GGTLC1: variants seen among roughly 807,000 people sequenced by gnomAD.
The protein encoded by GGTLC1 is glutathione hydrolase light chain 1.
In GGTLC1, 14 loss-of-function variants were observed where a neutral mutation model predicts 19.5. That is an observed-to-expected ratio of 0.72 (90% CI 0.47 to 1.12). The LOEUF is 1.12. Ranked by LOEUF, GGTLC1 falls within the 50% of genes most tolerant of loss-of-function variation. GGTLC1 has a pLI of 0.00. For synonymous variants in GGTLC1, 110 were observed against 124.2 expected (o/e 0.89, Z 0.76); for missense variants, 304 against 309.2 (o/e 0.98, Z 0.13).
chr20:23,986,813 T>C (rs1987955022), intron 1 of GGTLC1, 168 bp from the exon 2 acceptor site: 1 of 1,445,008 alleles, frequency 6.9e-7, no homozygotes, highest in Admixed American at 2.5e-5. Flanking sequence ...CTCTGTCGCA[T>C]TCCAGCAACT....
intron 1 of GGTLC1, among the ~76,000 whole-genome samples, chr20:23,987,728 G>A (rs1600497805): frequency 5.9e-5 from 9 of 151,614 alleles, no homozygotes; most frequent in Admixed American, 5.9e-4. Context: ...CGAAGAAAAT[G>A]CCTCAAGGGA....
rs1045826058 is a variant in GGTLC1 at position 23,985,185 on chromosome 20, A to G, written c.*31T>C. On this transcript the variant is annotated 3_prime_UTR_variant, in exon 6 of 6. Coordinates refer to ENST00000335694, the MANE Select transcript of GGTLC1 (RefSeq NM_178311.3). ...GTCCTGGTGAGTATTTTGTTCCTGG[A>G]TTGCTTGTCAGCCTTGTCCGCCTGG... 4 of 1,611,840 alleles carry G rather than the reference A, an allele frequency of 2.5e-6. No individual in the cohort carries two copies. Among genetic ancestry groups the G allele is most frequent in the African/African-American group, 1.3e-5 (1 of 74,926 alleles).
intron 1 of GGTLC1, chr20:23,986,898 A>C: frequency 8.0e-7 from 1 of 1,256,544 alleles, no homozygotes; most frequent in Non-Finnish European, 1.1e-6. Context: ...CATGCAAAAA[A>C]TATTTCTAGA....
At chr20:23,987,526 G>T (rs1286009167) in intron 1 of GGTLC1, among the ~76,000 whole-genome samples, 3 of 152,038 alleles carry the variant, frequency 2.0e-5, no homozygotes, top group African/African-American at 7.2e-5. Flanking sequence ...GACCTGAAGA[G>T]CATGGGTGCA....
At chr20:23,985,493 C>T in intron 5 of GGTLC1, 131 bp from the exon 6 acceptor site, 5 of 1,596,994 alleles carry the variant, frequency 3.1e-6, no homozygotes, top group Non-Finnish European at 3.4e-6. Flanking sequence ...AGGTTGGGGC[C>T]TGCTGGGTCT....
At position 23,985,674 on chromosome 20, in the gene GGTLC1, A is replaced by G. The variant is rs778733425; in HGVS notation, c.524T>C (p.Ile175Thr). ...CTCCAACCCCCAGCCCACCTGGTCA[A>G]TGTTTCTCTCCACTGTCGTGACGTT... is the stretch of plus-strand genomic sequence containing the variant. ...LPNVTTVERN[I>T]DQEVTAALET... Residue 175 changes from isoleucine to threonine, a missense_variant, in exon 5 of 6, where the codon ATT becomes ACT. Transcript: ENST00000335694. The G allele has an allele frequency of 2.5e-6, 4 of 1,611,976 alleles. No individual in the cohort carries two copies. Among genetic ancestry groups the G allele is most frequent in the South Asian group, 1.1e-5 (1 of 90,988 alleles).
At chr20:23,987,529 T>C (rs1221840948) in intron 1 of GGTLC1, among the ~76,000 whole-genome samples, 1 of 151,770 alleles carries the variant, frequency 6.6e-6, no homozygotes, top group Non-Finnish European at 1.5e-5. Flanking sequence ...CTGAAGAGCA[T>C]GGGTGCACGT....
At position 23,986,311 on chromosome 20, in the gene GGTLC1, C is replaced by T. The variant is rs1269420136; in HGVS notation, c.177-108G>A. 22 of 1,605,428 alleles carry T rather than the reference C, an allele frequency of 1.4e-5. No homozygotes were observed. The East Asian group carries it at 4.1e-4, about 30-fold the overall frequency. On this transcript the variant is annotated intron_variant, in intron 2 of 5. Coordinates refer to ENST00000335694, the MANE Select transcript of GGTLC1 (RefSeq NM_178311.3). Reference sequence around the variant, plus strand: ...TCACTGAGAGGCTCAGGATAAGCTACCAAGGTTGGGCCTCAGTTTCCCACC... The same window carrying T: ...TCACTGAGAGGCTCAGGATAAGCTATCAAGGTTGGGCCTCAGTTTCCCACC...
In GGTLC1 at chr20:23,986,429, C is replaced by G; in HGVS notation, c.176+7G>C. 1 of 1,611,434 alleles carries G rather than the reference C, an allele frequency of 6.2e-7. No individual in the cohort carries two copies. Among genetic ancestry groups the G allele is most frequent in the Non-Finnish European group, 8.5e-7 (1 of 1,179,670 alleles). On this transcript the variant is annotated splice_region_variant and intron_variant, in intron 2 of 5. Coordinates refer to ENST00000335694, the MANE Select transcript of GGTLC1 (RefSeq NM_178311.3). ...CTTTCCCACCCAGGCGGCCCAGCAG[C>G]CCCTACTAGAGGTTGATGGTGCTGG...
chr20:23,987,582 C>T (rs1156465108), intron 1 of GGTLC1, among the ~76,000 whole-genome samples: 8 of 151,626 alleles, frequency 5.3e-5, no homozygotes, highest in Non-Finnish European at 5.9e-5. Context: ...CGGGCAAGGG[C>T]GGGCTGAGAG....
chr20:23,985,561 A>G, intron 5 of GGTLC1, 106 bp downstream of exon 5: 1 of 1,597,888 alleles, frequency 6.3e-7, no homozygotes, highest in South Asian at 1.1e-5. Context: ...CCCAGGCACT[A>G]GAGAGAGGAC....
Position 23,985,201 on chromosome 20 carries a change from G to A in GGTLC1, c.*15C>T. On this transcript the variant is annotated 3_prime_UTR_variant, in exon 6 of 6. Coordinates refer to ENST00000335694, the MANE Select transcript of GGTLC1 (RefSeq NM_178311.3). Reference sequence around the variant, plus strand: ...TGTTCCTGGATTGCTTGTCAGCCTTGTCCGCCTGGAGCAATCAGTAGCCAG... The same window carrying A: ...TGTTCCTGGATTGCTTGTCAGCCTTATCCGCCTGGAGCAATCAGTAGCCAG... The A allele has an allele frequency of 2.5e-6, 4 of 1,612,002 alleles. No individual in the cohort carries two copies. The highest frequency in any genetic ancestry group is 3.4e-6 in the Non-Finnish European group (4 of 1,179,866).
intron 1 of GGTLC1, among the ~76,000 whole-genome samples, chr20:23,988,054 A>T (rs1220638428): frequency 9.5e-6 from 1 of 104,762 alleles, no homozygotes; most frequent in African/African-American, 3.6e-5. Context: ...TCAAAAAAAA[A>T]AAAAAAAAAA....
chr20:23,987,072 T>C (rs1987969681), intron 1 of GGTLC1, among the ~76,000 whole-genome samples: 1 of 152,104 alleles, frequency 6.6e-6, no homozygotes, highest in Non-Finnish European at 1.5e-5. Context: ...TAGGGAGAGC[T>C]TCTCAGAGGA....
chr20:23,985,116 C>T lies in GGTLC1; in HGVS notation c.*100G>A. ...CAGTGGCCTCATTTATTGTGCTGCT[C>T]TGCTGCTCACAGGAGAAGCCTGTCC... On this transcript the variant is annotated 3_prime_UTR_variant, in exon 6 of 6. Transcript: ENST00000335694. 1 of 1,557,346 alleles carries T rather than the reference C, an allele frequency of 6.4e-7. No homozygotes were observed. Among genetic ancestry groups the T allele is most frequent in the Non-Finnish European group, 8.7e-7 (1 of 1,144,332 alleles).
intron 2 of GGTLC1, 50 bp downstream of exon 2, chr20:23,986,386 A>G (rs7260970): frequency 0.091 from 146,171 of 1,603,948 alleles, 11,940 homozygotes; most frequent in African/African-American, 0.42. Context: ...GCAGTCCCTG[A>G]GCCACCCTCC....
At chr20:23,987,753 C>T (rs1365882839) in intron 1 of GGTLC1, among the ~76,000 whole-genome samples, 2 of 151,308 alleles carry the variant, frequency 1.3e-5, no homozygotes, top group Non-Finnish European at 2.9e-5. Context: ...CAACACCGGG[C>T]GCGGTGGCTC....
In GGTLC1 at chr20:23,985,283, A is replaced by G. The variant is rs1376043056; in HGVS notation, c.611T>C (p.Val204Ala). The stretch of plus-strand genomic sequence containing the variant: ...AGCTGCCCAGCCACCAGCCATGCGG[A>G]CGATGGCTTGCACCACAGCAATGAA... Reference protein sequence around the residue: ...STFIAVVQAIVRMAGGWAAAS... With the variant: ...STFIAVVQAIARMAGGWAAAS... The change falls in exon 6 of 6, where the codon GTC becomes GCC. Residue 204 changes from valine to alanine, a missense_variant. Coordinates refer to ENST00000335694, the MANE Select transcript of GGTLC1 (RefSeq NM_178311.3). 1 of 1,612,014 alleles carries G rather than the reference A, an allele frequency of 6.2e-7. No individual in the cohort carries two copies. Among genetic ancestry groups the G allele is most frequent in the Non-Finnish European group, 8.5e-7 (1 of 1,179,858 alleles).
At chr20:23,988,038 T>C (rs1988042567) in intron 1 of GGTLC1, among the ~76,000 whole-genome samples, 1 of 17,440 alleles carries the variant, frequency 5.7e-5, no homozygotes, top group Non-Finnish European at 1.1e-4. Context: ...AGAGGGAGAC[T>C]CCATCTCAAA....
Sources: gnomAD v4.1 joint callset for allele counts (sites outside exome capture counted in the v4.1 genomes callset) on GRCh38, gnomAD v4.1.1 for gene constraint, MANE v1.5 for transcripts, NCBI Gene and HGNC (gene_info 2026-07-23, HGNC 2026-07-21) for gene names.